The following EAF2 variants were observed in gnomAD, a reference collection of about 807,000 sequenced individuals.
EAF2 encodes the protein ELL associated factor 2.
EAF2 carries 29 observed loss-of-function variants against 29.4 expected under a neutral mutation model. The ratio of observed to expected loss-of-function variants is 0.99; its 90% CI spans 0.73 to 1.35. The LOEUF (loss-of-function observed/expected upper bound fraction) is 1.35. Among genes scored for constraint, EAF2 ranks in the 40% most tolerant of loss-of-function variants. The pLI is 0.00. For missense variants in EAF2, 292 were observed against 312.0 expected (o/e 0.94, Z 0.48); for synonymous variants, 103 against 102.5 (o/e 1.00, Z -0.03).
rs201705248 is a variant in EAF2 at position 121,881,532 on chromosome 3, C to CA, written c.737-4809dup. 1.6e-3 allele frequency among the ~76,000 whole-genome samples: 245 copies of CA among 152,042 alleles called. 4 individuals carry two copies. In the East Asian group the frequency reaches 0.04, roughly 25 times the overall value. On this transcript the variant is annotated intron_variant, in intron 5 of 5. Transcript: ENST00000273668. ...TATTATTATTATTATTTTTTGGAGA[C>CA]AGAGTCTTACTCTGTTGCCCAGGCT...
At chr3:121,862,655 GTC>G (rs1708853667) in intron 4 of EAF2, among the ~76,000 whole-genome samples, 1 of 152,106 alleles carries the variant, frequency 6.6e-6, no homozygotes, top group Non-Finnish European at 1.5e-5. Flanking sequence ...ATCACCAATT[GTC>G]TGAAGCCTTC....
chr3:121,867,693 C>A (rs1708949661), intron 4 of EAF2, among the ~76,000 whole-genome samples: 1 of 152,106 alleles, frequency 6.6e-6, no homozygotes, highest in Non-Finnish European at 1.5e-5. Flanking sequence ...CTTAGAGTAT[C>A]AGGAAGAGAG....
intron 5 of EAF2, among the ~76,000 whole-genome samples, chr3:121,874,382 T>C (rs922479835): frequency 6.6e-6 from 1 of 151,790 alleles, no homozygotes; most frequent in Non-Finnish European, 1.5e-5. Flanking sequence ...AAATCTGATT[T>C]TTTGAATGGC....
intron 2 of EAF2, among the ~76,000 whole-genome samples, chr3:121,848,893 A>C (rs975996136): frequency 3.3e-5 from 5 of 152,054 alleles, no homozygotes; most frequent in African/African-American, 7.2e-5. Flanking sequence ...CCCCCACACA[A>C]AAAAAAGAGA....
At chr3:121,863,117 T>G (rs1708862720) in intron 4 of EAF2, among the ~76,000 whole-genome samples, 1 of 152,050 alleles carries the variant, frequency 6.6e-6, no homozygotes, top group African/African-American at 2.4e-5. Flanking sequence ...CTGGGAGGTG[T>G]CTCCCAGTTA....
intron 2 of EAF2, among the ~76,000 whole-genome samples, chr3:121,851,681 G>A (rs535488564): frequency 3.3e-5 from 5 of 152,254 alleles, no homozygotes; most frequent in African/African-American, 1.2e-4. Context: ...AGTTTTTTAA[G>A]CACAGAAAGA....
At chr3:121,880,824 C>T (rs1001209275) in intron 5 of EAF2, among the ~76,000 whole-genome samples, 1 of 152,098 alleles carries the variant, frequency 6.6e-6, no homozygotes, top group East Asian at 1.9e-4. Flanking sequence ...GAAAAGCTTT[C>T]GGCTTTTCCC....
intron 3 of EAF2, among the ~76,000 whole-genome samples, chr3:121,855,418 T>C (rs995392009): frequency 1.3e-5 from 2 of 152,206 alleles, no homozygotes; most frequent in Non-Finnish European, 2.9e-5. Flanking sequence ...AATGGTAGAT[T>C]GGAAAATTCA....
chr3:121,873,803 A>G (rs904486851), intron 5 of EAF2, among the ~76,000 whole-genome samples: 7 of 144,226 alleles, frequency 4.9e-5, no homozygotes, highest in Admixed American at 7.0e-5. Context: ...TTCTTTTCAC[A>G]TAATTTTTTC....
chr3:121,870,446 A>G (rs1003491766), intron 4 of EAF2, among the ~76,000 whole-genome samples: 2 of 152,192 alleles, frequency 1.3e-5, no homozygotes, highest in Admixed American at 1.3e-4. Flanking sequence ...AATTTCAGAA[A>G]TAAGTGTCTT....
intron 4 of EAF2, among the ~76,000 whole-genome samples, chr3:121,870,798 A>G (rs1708998298): frequency 6.6e-6 from 1 of 152,218 alleles, no homozygotes; most frequent in Non-Finnish European, 1.5e-5. Flanking sequence ...AAGCATATAA[A>G]AAAACACTGC....
intron 4 of EAF2, among the ~76,000 whole-genome samples, chr3:121,871,364 T>C (rs1709010770): frequency 6.6e-6 from 1 of 151,794 alleles, no homozygotes; most frequent in African/African-American, 2.4e-5. Context: ...GTCAAAATGG[T>C]GATTAGTGAC....
At chr3:121,863,633 G>A (rs969848709) in intron 4 of EAF2, among the ~76,000 whole-genome samples, 10 of 152,208 alleles carry the variant, frequency 6.6e-5, no homozygotes, top group African/African-American at 2.2e-4. Flanking sequence ...GGAATTCCCC[G>A]ACCCCTCGCA....
At chr3:121,841,525 AAAAAAAAAAAAAAAAAAAGAAAG>A (rs1473236137) in intron 1 of EAF2, among the ~76,000 whole-genome samples, 1 of 31,504 alleles carries the variant, frequency 3.2e-5, no homozygotes, top group African/African-American at 1.4e-4. Flanking sequence ...AAAAAAAAAA[AAAAAAAAAAAAAAAAAAAGAAAG>A]AAAGAAAGAA....
At chr3:121,869,429 G>A (rs1044245717) in intron 4 of EAF2, among the ~76,000 whole-genome samples, 3 of 152,154 alleles carry the variant, frequency 2.0e-5, no homozygotes, top group African/African-American at 4.8e-5. Flanking sequence ...GGCAGTCATC[G>A]GAGAACACTG....
intron 5 of EAF2, among the ~76,000 whole-genome samples, chr3:121,880,167 G>A (rs1422403642): frequency 6.6e-6 from 1 of 151,984 alleles, no homozygotes; most frequent in African/African-American, 2.4e-5. Flanking sequence ...ATTAAAGACA[G>A]GGTCTTGCTC....
intron 1 of EAF2, among the ~76,000 whole-genome samples, chr3:121,840,932 T>C (rs1708409896): frequency 6.6e-6 from 1 of 151,944 alleles, no homozygotes; most frequent in Non-Finnish European, 1.5e-5. Context: ...CGGAAAGGAC[T>C]GCACCCTGAA....
chr3:121,857,384 C>T (rs1268282709), intron 4 of EAF2, among the ~76,000 whole-genome samples: 1 of 151,282 alleles, frequency 6.6e-6, no homozygotes, highest in Non-Finnish European at 1.5e-5. Context: ...CCCACCTACT[C>T]GGGAGGCTGA....
intron 4 of EAF2, among the ~76,000 whole-genome samples, chr3:121,861,730 T>C (rs544329196): frequency 6.6e-5 from 10 of 152,338 alleles, no homozygotes; most frequent in Admixed American, 2.0e-4. Flanking sequence ...TAGCTGGTTA[T>C]TTTGCTCGTT....
Sources: gnomAD v4.1 joint callset for allele counts (sites outside exome capture counted in the v4.1 genomes callset) on GRCh38, gnomAD v4.1.1 for gene constraint, MANE v1.5 for transcripts, NCBI Gene and HGNC (gene_info 2026-07-23, HGNC 2026-07-21) for gene names.